The following CADPS variants were observed in gnomAD, a reference collection of about 807,000 sequenced individuals.
CADPS encodes calcium dependent secretion activator.
Under a neutral mutation model 167.3 loss-of-function variants are expected in CADPS, and 57 were observed. The ratio of observed to expected loss-of-function variants is 0.34; its 90% confidence interval spans 0.28 to 0.42. The LOEUF (loss-of-function observed/expected upper bound fraction) is 0.42, where lower values mean the gene tolerates loss of function less well. Ranked by LOEUF, CADPS falls within the 20% of genes least tolerant of loss-of-function variation. CADPS has a pLI of 1.00. For synonymous variants in CADPS, 676 were observed against 635.3 expected, an observed-to-expected ratio of 1.06 and a Z score of -0.96; for missense variants, 1,414 against 1,738.1, an observed-to-expected ratio of 0.81 and a Z score of 3.32.
chr3:62,742,492 T>C (rs535090038), intron 3 of CADPS, among the ~76,000 whole-genome samples: 5 of 152,250 alleles, frequency 3.3e-5, no homozygotes, highest in African/African-American at 1.2e-4. Flanking sequence ...AAATATCTGA[T>C]CTTCCACAAA....
Position 62,425,636 on chromosome 3 carries a change from GT to G in CADPS, c.3777+12467del. On this transcript the variant is annotated intron_variant, in intron 28 of 29. Coordinates refer to ENST00000383710, the MANE Select transcript of CADPS (RefSeq NM_003716.4). ...CATATAAAAAGAATTTAGCCCTCAA[GT>G]TTCTCGAGCAGCGAATGCCTACAAA... Among the ~76,000 whole-genome samples the G allele has an allele frequency of 2.0e-5, 3 of 152,282 alleles. 1 individual carries two copies. The South Asian group carries it at 6.2e-4, about 32-fold the overall frequency.
chr3:62,719,808 G>A (rs2075380214), intron 3 of CADPS, among the ~76,000 whole-genome samples: 1 of 152,192 alleles, frequency 6.6e-6, no homozygotes, highest in African/African-American at 2.4e-5. Flanking sequence ...CACCTTCTGG[G>A]AGCACGGTAG....
Position 62,537,333 on chromosome 3 carries a change from G to C in CADPS, c.1967-752C>G, listed in dbSNP as rs577996499. ...TCAATGTATTCACACTTTTCCTTAC[G>C]GGGTGAAGGCTGTAGGCAAAACCTC... On this transcript the variant is annotated intron_variant, in intron 11 of 29. Coordinates refer to ENST00000383710, the MANE Select transcript of CADPS (RefSeq NM_003716.4). Among the ~76,000 whole-genome samples, 3 of 152,110 alleles carry C rather than the reference G, an allele frequency of 2.0e-5. No individual in the cohort carries two copies. In the East Asian group the frequency reaches 5.8e-4, roughly 29 times the overall value.
At chr3:62,567,234 G>T (rs1037609628) in intron 9 of CADPS, among the ~76,000 whole-genome samples, 3 of 151,924 alleles carry the variant, frequency 2.0e-5, no homozygotes, top group Non-Finnish European at 4.4e-5. Flanking sequence ...CATATCAAAA[G>T]TTCTCAGAAA....
chr3:62,565,041 G>A (rs1392427181), intron 9 of CADPS, among the ~76,000 whole-genome samples: 19 of 152,182 alleles, frequency 1.2e-4, no homozygotes, highest in East Asian at 1.9e-4. Flanking sequence ...GGGGTGGGGC[G>A]TTCTGGCTAT....
chr3:62,445,705 TA>T, intron 27 of CADPS, 59 bp downstream of exon 27: 2 of 977,726 alleles, frequency 2.0e-6, no homozygotes, highest in Non-Finnish European at 2.7e-6. Flanking sequence ...AAACAAAAAG[TA>T]AAAATGAAAA....
chr3:62,475,486 G>C (rs1196130043), intron 23 of CADPS, among the ~76,000 whole-genome samples: 1 of 144,036 alleles, frequency 6.9e-6, no homozygotes, highest in African/African-American at 2.5e-5. Context: ...GGACCACACA[G>C]CTAGTTAGCT....
In CADPS at chr3:62,421,729, A is replaced by G. The variant is rs2051446044; in HGVS notation, c.3777+16375T>C. Among the ~76,000 whole-genome samples the G allele has an allele frequency of 6.6e-6, 1 of 152,188 alleles. No individual in the cohort carries two copies. The highest frequency in any genetic ancestry group is 2.1e-4 in the South Asian group (1 of 4,836). On this transcript the variant is annotated intron_variant, in intron 28 of 29. Transcript: ENST00000383710. This position sits in a 1 kb window ranked among gnomAD's most constrained non-coding sequence, Gnocchi z 4.7. ...GGCTATGACAATGTCAGATTTCATA[A>G]TAATATTGTGTGTGAGGCTGGAGAC...
intron 22 of CADPS, among the ~76,000 whole-genome samples, chr3:62,480,640 G>T (rs2061888956): frequency 6.6e-6 from 1 of 152,092 alleles, no homozygotes; most frequent in African/African-American, 2.4e-5. Context: ...GTGATTCTAA[G>T]ATTTCAAAAC....
intron 1 of CADPS, among the ~76,000 whole-genome samples, chr3:62,831,402 T>C (rs2075055631): frequency 6.6e-6 from 1 of 152,194 alleles, no homozygotes; most frequent in African/African-American, 2.4e-5. Context: ...AGGCTGCTTC[T>C]GTAACAACAG....
chr3:62,839,999 G>A (rs995337666), intron 1 of CADPS, among the ~76,000 whole-genome samples: 69 of 152,118 alleles, frequency 4.5e-4, no homozygotes, highest in Admixed American at 2.6e-3. Context: ...GAGCTCAGTC[G>A]GGGACATACT....
chr3:62,538,543 C>A (rs2075153158), intron 11 of CADPS, among the ~76,000 whole-genome samples: 1 of 152,122 alleles, frequency 6.6e-6, no homozygotes, highest in Admixed American at 6.6e-5. Flanking sequence ...CCATCCCTCG[C>A]CTCCCAATTT....
chr3:62,661,629 A>C (rs1383436249), intron 4 of CADPS, among the ~76,000 whole-genome samples: 1 of 152,120 alleles, frequency 6.6e-6, no homozygotes, highest in Non-Finnish European at 1.5e-5. Context: ...AAGGATTTTG[A>C]GGCTCTGTTT....
At chr3:62,831,116 G>T (rs932844010) in intron 1 of CADPS, among the ~76,000 whole-genome samples, 2 of 152,042 alleles carry the variant, frequency 1.3e-5, no homozygotes, top group Admixed American at 1.3e-4. Flanking sequence ...TAAAGTCCTG[G>T]GAAGTCTTAA....
chr3:62,656,071 TG>T (rs1330000252), intron 4 of CADPS, among the ~76,000 whole-genome samples: 2 of 152,182 alleles, frequency 1.3e-5, no homozygotes, highest in Non-Finnish European at 2.9e-5. Context: ...ATCTGAATTT[TG>T]GTTCCCACAT....
At position 62,458,196 on chromosome 3, in the gene CADPS, A is replaced by C. The variant is rs1018670673; in HGVS notation, c.3636+7171T>G. ...ATGGAGCACCTACTAACTATATACC[A>C]GGTGTTATGAAAGGGCTACTGTTTA... On this transcript the variant is annotated intron_variant, in intron 26 of 29. Transcript: ENST00000383710. The surrounding 1 kb of genome is among the most constrained non-coding windows in gnomAD (Gnocchi z 4.6). Among the ~76,000 whole-genome samples, 5 of 152,166 alleles carry C rather than the reference A, an allele frequency of 3.3e-5. No homozygotes were observed. The highest frequency in any genetic ancestry group is 4.8e-5 in the African/African-American group (2 of 41,448).
chr3:62,852,223 T>C (rs1397691290), intron 1 of CADPS, among the ~76,000 whole-genome samples: 1 of 151,596 alleles, frequency 6.6e-6, no homozygotes, highest in African/African-American at 2.4e-5. Context: ...GATTTGAATG[T>C]CCTCCCGTAG....
rs73844647 is a variant in CADPS, at chr3:62,852,729, A to G, written c.441+21860T>C. 6.5e-3 allele frequency among the ~76,000 whole-genome samples: 996 copies of G among 152,308 alleles called. 14 individuals carry two copies. The highest frequency in any genetic ancestry group is 0.022 in the African/African-American group (927 of 41,560). On this transcript the variant is annotated intron_variant, in intron 1 of 29. Transcript: ENST00000383710. ...CACTTCTGAAAATTCCAGGAACATT[A>G]TCAGGCCTCAGTTCAAAAGCCACCT...
chr3:62,617,691 A>G (rs1333913683), intron 6 of CADPS, among the ~76,000 whole-genome samples: 1 of 152,228 alleles, frequency 6.6e-6, no homozygotes, highest in Middle Eastern at 3.4e-3. Flanking sequence ...GTATCCCTGT[A>G]AGGACACCTA....
Sources: allele counts gnomAD v4.1 joint callset (sites outside exome capture counted in the v4.1 genomes callset), GRCh38; gene constraint gnomAD v4.1.1; non-coding constraint Gnocchi (gnomAD v3.1); transcripts MANE v1.5; gene names NCBI Gene and HGNC (gene_info 2026-07-23, HGNC 2026-07-21).